The following PMP22 variants were observed in gnomAD, a reference collection of about 807,000 sequenced individuals.
PMP22 encodes peripheral myelin protein 22.
Under a neutral mutation model 18.9 loss-of-function variants are expected in PMP22, and 2 were observed. That is an observed-to-expected ratio of 0.11 (90% CI 0.04 to 0.33). The LOEUF is 0.33. Among genes scored for constraint, PMP22 ranks in the 10% least tolerant of loss-of-function variants. PMP22 has a pLI of 1.00. For missense variants in PMP22, 169 were observed against 202.2 expected, an observed-to-expected ratio of 0.84 and a Z score of 1.00; for synonymous variants, 95 against 89.2, an observed-to-expected ratio of 1.07 and a Z score of -0.37.
At chr17:15,260,396 G>C (rs563607036) in intron 2 of PMP22, 2 of 568,022 alleles carry the variant, frequency 3.5e-6, no homozygotes, top group Admixed American at 5.9e-5. Context: ...CCCTAGATCG[G>C]CTCTGAAGTT....
At chr17:15,254,536 A>G (rs231025) in intron 3 of PMP22, among the ~76,000 whole-genome samples, 88,595 of 152,014 alleles carry the variant, frequency 0.58, 26,505 homozygotes, top group African/African-American at 0.73. Context: ...TTGAATTGGC[A>G]GAGGAAGATA....
chr17:15,236,837 T>C (rs1051486339), intron 4 of PMP22, among the ~76,000 whole-genome samples: 24 of 152,290 alleles, frequency 1.6e-4, no homozygotes, highest in African/African-American at 5.8e-4. Context: ...CCTGCAGCCA[T>C]TTCCAGTGCA....
intron 2 of PMP22, among the ~76,000 whole-genome samples, chr17:15,259,687 A>G (rs533872176): frequency 1.3e-5 from 2 of 152,088 alleles, no homozygotes; most frequent in South Asian, 2.1e-4. Flanking sequence ...CACACCTGTA[A>G]TCCCAGCACT....
intron 4 of PMP22, among the ~76,000 whole-genome samples, chr17:15,231,859 A>G (rs1906383504): frequency 6.6e-6 from 1 of 152,210 alleles, no homozygotes; most frequent in Non-Finnish European, 1.5e-5. Flanking sequence ...CCACCAATGC[A>G]GCCCTTCGGT....
chr17:15,240,945 G>T (rs1268028293), intron 3 of PMP22, among the ~76,000 whole-genome samples: 1 of 152,194 alleles, frequency 6.6e-6, no homozygotes, highest in East Asian at 1.9e-4. Flanking sequence ...TTTTAAGGGT[G>T]CAAATTAGGT....
chr17:15,231,171 AG>A, intron 4 of PMP22, 91 bp from the exon 5 acceptor site: 2 of 1,276,896 alleles, frequency 1.6e-6, no homozygotes, highest in Non-Finnish European at 2.3e-6. Flanking sequence ...ATTGCTGGGT[AG>A]GAAGAACATT....
intron 1 of PMP22, among the ~76,000 whole-genome samples, chr17:15,264,592 G>T (rs546820898): frequency 6.6e-6 from 1 of 152,142 alleles, no homozygotes; most frequent in East Asian, 1.9e-4. Flanking sequence ...GCTACAGCTC[G>T]CTTCTTCCTT....
intron 2 of PMP22, among the ~76,000 whole-genome samples, chr17:15,259,930 C>T (rs76966320): frequency 0.037 from 4,515 of 123,266 alleles, 149 homozygotes; most frequent in East Asian, 0.17. Flanking sequence ...AGGCTGGAGA[C>T]TCCATCTCAA....
intron 4 of PMP22, among the ~76,000 whole-genome samples, chr17:15,235,854 G>A (rs544433382): frequency 6.6e-6 from 1 of 152,150 alleles, no homozygotes; most frequent in South Asian, 2.1e-4. Flanking sequence ...CTAGGTTCAA[G>A]TGATTCTTCT....
intron 4 of PMP22, among the ~76,000 whole-genome samples, chr17:15,235,984 T>C (rs1906773262): frequency 6.6e-6 from 1 of 152,004 alleles, no homozygotes; most frequent in African/African-American, 2.4e-5. Flanking sequence ...GGTCTTGAAC[T>C]CCTGACCTCA....
chr17:15,259,806 AGGCGTGGT>A (rs1409296476), intron 2 of PMP22, among the ~76,000 whole-genome samples: 9 of 151,254 alleles, frequency 6.0e-5, no homozygotes, highest in African/African-American at 1.9e-4. Flanking sequence ...AAAATTAGCC[AGGCGTGGT>A]GGCGGGCACC....
intron 3 of PMP22, among the ~76,000 whole-genome samples, chr17:15,247,521 C>T (rs1907945373): frequency 6.6e-6 from 1 of 152,182 alleles, no homozygotes; most frequent in Non-Finnish European, 1.5e-5. Flanking sequence ...GCTCGAGTTG[C>T]ACAAAGATCA....
chr17:15,256,717 G>A (rs555651801), intron 3 of PMP22, among the ~76,000 whole-genome samples: 44 of 152,186 alleles, frequency 2.9e-4, no homozygotes, highest in Admixed American at 6.5e-4. Flanking sequence ...AGCAAATACA[G>A]ACAAGTTAAA....
intron 3 of PMP22, among the ~76,000 whole-genome samples, chr17:15,243,942 T>C (rs1907568721): frequency 6.6e-6 from 1 of 151,860 alleles, no homozygotes; most frequent in African/African-American, 2.4e-5. Context: ...TACATGTAAA[T>C]TTGGTAGATA....
rs755551524 is a variant in PMP22 at position 15,230,991 on chromosome 17, T to C, written c.409A>G (p.Ile137Val). Residue 137 changes from isoleucine (I) to valine (V), a missense_variant, in exon 5 of 5, where the codon ATC becomes GTC. Physicochemically the swap from Ile to Val is conservative, Grantham distance 29. Coordinates refer to ENST00000312280, the MANE Select transcript of PMP22 (RefSeq NM_000304.4). Reference sequence around the variant, plus strand: ...AGGGGGAAGGCCACCCAGGCCAGGATGTAGGCGAAACCGTAGGAGTAATCC... The same window carrying C: ...AGGGGGAAGGCCACCCAGGCCAGGACGTAGGCGAAACCGTAGGAGTAATCC... The part of the protein sequence containing the change: ...NSDYSYGFAY[I>V]LAWVAFPLAL... 1.1e-5 allele frequency: 18 copies of C among 1,614,064 alleles called. No individual in the cohort carries two copies. The Admixed American group carries it at 1.2e-4, about 10-fold the overall frequency.
intron 3 of PMP22, among the ~76,000 whole-genome samples, chr17:15,242,846 T>C (rs1907468211): frequency 6.6e-6 from 1 of 151,996 alleles, no homozygotes; most frequent in African/African-American, 2.4e-5. Flanking sequence ...TGATGTAGGC[T>C]CAACATATAC....
intron 4 of PMP22, chr17:15,235,202 G>C: frequency 1.4e-6 from 1 of 717,428 alleles, no homozygotes; most frequent in Non-Finnish European, 2.6e-6. Context: ...CAAAAAGAGA[G>C]AGAAAGTGAA....
intron 4 of PMP22, among the ~76,000 whole-genome samples, chr17:15,237,078 A>G (rs571027309): frequency 3.3e-5 from 5 of 152,370 alleles, no homozygotes; most frequent in Admixed American, 1.3e-4. Context: ...GGACAAAGTC[A>G]TGCGCTTTTA....
rs111250669 is a variant in PMP22 at position 15,249,848 on chromosome 17, A to G, written c.178+9246T>C. Among the ~76,000 whole-genome samples the G allele has an allele frequency of 1.8e-4, 28 of 152,378 alleles. No homozygotes were observed. The Middle Eastern group carries it at 0.01, about 56-fold the overall frequency. Reference sequence around the variant, plus strand: ...AAGCAACTTGATAAAACCCAAGTCCAGCACATCAGGCATGAATGAAGGCAA... The same window carrying G: ...AAGCAACTTGATAAAACCCAAGTCCGGCACATCAGGCATGAATGAAGGCAA... On this transcript the variant is annotated intron_variant, in intron 3 of 4. Coordinates refer to ENST00000312280, the MANE Select transcript of PMP22 (RefSeq NM_000304.4).
Sources: gnomAD v4.1 joint callset for allele counts (sites outside exome capture counted in the v4.1 genomes callset) on GRCh38, gnomAD v4.1.1 for gene constraint, MANE v1.5 for transcripts, NCBI Gene and HGNC (gene_info 2026-07-23, HGNC 2026-07-21) for gene names.